Variants in RBM6 observed in about 807,000 individuals in gnomAD.
RBM6 encodes the protein RNA binding motif protein 6, also known as RNA-binding protein 6.
RBM6 carries 23 observed loss-of-function variants against 140.4 expected under a neutral mutation model. The ratio of observed to expected loss-of-function variants is 0.16; its 90% CI spans 0.12 to 0.23. RBM6 has a LOEUF of 0.23. Among genes scored for constraint, RBM6 ranks in the 10% least tolerant of loss-of-function variants. The pLI, the probability that RBM6 is intolerant of heterozygous loss-of-function variation, is 1.00. For missense variants in RBM6, 1,139 were observed against 1,386.7 expected (o/e 0.82, Z 2.84); for synonymous variants, 439 against 475.6 (o/e 0.92, Z 1.00).
chr3:49,997,967 G>A (rs1327656039), intron 5 of RBM6, among the ~76,000 whole-genome samples: 1 of 152,160 alleles, frequency 6.6e-6, no homozygotes, highest in East Asian at 1.9e-4. Context: ...TTTAATCCAC[G>A]TTGGTCAAAA....
intron 6 of RBM6, among the ~76,000 whole-genome samples, chr3:50,021,030 TACTG>T (rs2087449027): frequency 3.9e-5 from 6 of 152,240 alleles, no homozygotes. Context: ...ATATTACTGT[TACTG>T]ACTTCTAGTT....
intron 1 of RBM6, among the ~76,000 whole-genome samples, chr3:49,944,883 A>T (rs1031246452): frequency 2.8e-5 from 4 of 142,950 alleles, no homozygotes; most frequent in Non-Finnish European, 6.2e-5. Flanking sequence ...TTTTTTTTAA[A>T]TTTTTTTTTT....
chr3:49,957,148 TG>T (rs2084029953), intron 1 of RBM6, among the ~76,000 whole-genome samples: 2 of 152,064 alleles, frequency 1.3e-5, no homozygotes, highest in African/African-American at 4.8e-5. Flanking sequence ...CTGCCTTTTT[TG>T]TTTTTTAAAT....
At chr3:50,042,651 G>C (rs1411647518) in intron 6 of RBM6, among the ~76,000 whole-genome samples, 4 of 152,096 alleles carry the variant, frequency 2.6e-5, no homozygotes, top group Admixed American at 1.3e-4. Flanking sequence ...TAGGAGGATT[G>C]CTTGAGCCTG....
intron 1 of RBM6, among the ~76,000 whole-genome samples, chr3:49,953,113 TG>T (rs1207002389): frequency 6.6e-6 from 1 of 152,124 alleles, no homozygotes; most frequent in African/African-American, 2.4e-5. Context: ...TGGAGTGCAG[TG>T]GTGCAATCAT....
rs113403077 is a variant in RBM6, at chr3:49,988,586, A to G, written c.1484-10854A>G. Reference sequence around the variant, plus strand: ...AAGGAGCAGGAAAAAGTACAACAAAACAAAATCTTACCTTTGGTGTTTAAT... The same window carrying G: ...AAGGAGCAGGAAAAAGTACAACAAAGCAAAATCTTACCTTTGGTGTTTAAT... On this transcript the variant is annotated intron_variant, in intron 5 of 20. Transcript: ENST00000266022. Among the ~76,000 whole-genome samples, 8 of 152,304 alleles carry G rather than the reference A, an allele frequency of 5.3e-5. 2 individuals carry two copies. The highest frequency in any genetic ancestry group is 1.7e-4 in the African/African-American group (7 of 41,572).
chr3:49,943,790 C>A (rs558304133), intron 1 of RBM6, among the ~76,000 whole-genome samples: 1 of 152,060 alleles, frequency 6.6e-6, no homozygotes, highest in African/African-American at 2.4e-5. Context: ...TTTTGAGGAC[C>A]CACCATACTG....
intron 5 of RBM6, among the ~76,000 whole-genome samples, chr3:49,983,367 G>T (rs1411671442): frequency 2.0e-4 from 31 of 151,918 alleles, no homozygotes; most frequent in Admixed American, 2.0e-3. Flanking sequence ...TGATGTGTGC[G>T]TGTAGTCTTA....
intron 5 of RBM6, among the ~76,000 whole-genome samples, chr3:49,981,340 T>G (rs1183195000): frequency 3.3e-5 from 5 of 152,200 alleles, no homozygotes; most frequent in Non-Finnish European, 7.4e-5. Flanking sequence ...TGGGAACTTG[T>G]TGGAATCCAA....
In RBM6 at chr3:49,953,409, G is replaced by A. The variant is rs375273480; in HGVS notation, c.-66-9167G>A. ...TAATTTTTGTATTCTGAGTAGAGAC[G>A]GGATTTCACCACATTGGCCAGGCTG... On this transcript the variant is annotated intron_variant, in intron 1 of 20. Transcript: ENST00000266022. Among the ~76,000 whole-genome samples, 39 of 151,828 alleles carry A rather than the reference G, an allele frequency of 2.6e-4. No homozygotes were observed. In the South Asian group the frequency reaches 7.3e-3, roughly 28 times the overall value.
At chr3:49,944,140 T>C (rs1027291211) in intron 1 of RBM6, among the ~76,000 whole-genome samples, 1 of 152,176 alleles carries the variant, frequency 6.6e-6, no homozygotes, top group Non-Finnish European at 1.5e-5. Context: ...TCTGTACCCA[T>C]TGAATAGTAA....
At chr3:50,030,046 G>C (rs1320279205) in intron 6 of RBM6, among the ~76,000 whole-genome samples, 1 of 151,602 alleles carries the variant, frequency 6.6e-6, no homozygotes, top group Non-Finnish European at 1.5e-5. Flanking sequence ...CAGAAGGATT[G>C]CTTGAGCCCA....
At chr3:50,037,743 G>A (rs1195350796) in intron 6 of RBM6, among the ~76,000 whole-genome samples, 1 of 151,612 alleles carries the variant, frequency 6.6e-6, no homozygotes, top group Non-Finnish European at 1.5e-5. Flanking sequence ...GGTTCAAGCA[G>A]TTCTCCCACC....
chr3:50,035,499 G>A (rs1029750713), intron 6 of RBM6, among the ~76,000 whole-genome samples: 7 of 151,834 alleles, frequency 4.6e-5, no homozygotes, highest in Non-Finnish European at 1.0e-4. Flanking sequence ...TGGCTAATAC[G>A]GTGAAACCCC....
chr3:49,971,935 A>T (rs567462076), intron 3 of RBM6, 124 bp from the exon 4 acceptor site: 49 of 693,834 alleles, frequency 7.1e-5, no homozygotes, highest in Admixed American at 2.0e-4. Flanking sequence ...GAAAATTGTA[A>T]TTTTTTATAT....
intron 12 of RBM6, 40 bp downstream of exon 12, chr3:50,061,038 C>T (rs898091323): frequency 6.3e-7 from 1 of 1,599,210 alleles, no homozygotes; most frequent in Non-Finnish European, 8.5e-7. Flanking sequence ...TTAAAATCCT[C>T]AGGTGACTAT....
intron 5 of RBM6, among the ~76,000 whole-genome samples, chr3:49,995,031 C>T (rs962845898): frequency 7.2e-5 from 11 of 152,152 alleles, no homozygotes; most frequent in African/African-American, 1.9e-4. Context: ...GTCAGTATCT[C>T]GTGAGTCAGC....
At position 50,059,758 on chromosome 3, in the gene RBM6, G is replaced by A; in HGVS notation, c.2228+12G>A. 6.2e-7 allele frequency: 1 copy of A among 1,606,580 alleles called. No homozygotes were observed. The highest frequency in any genetic ancestry group is 8.5e-7 in the Non-Finnish European group (1 of 1,174,494). ...ACTGGAAAACGAAGGTAAGGCAGAA[G>A]GGTGAGGATCTCTTGTGCTGCCCCC... On this transcript the variant is annotated intron_variant, in intron 11 of 20. Transcript: ENST00000266022.
intron 6 of RBM6, among the ~76,000 whole-genome samples, chr3:50,004,013 G>A (rs1339257524): frequency 6.6e-6 from 1 of 152,190 alleles, no homozygotes; most frequent in Admixed American, 6.5e-5. Flanking sequence ...TGGGACTTGG[G>A]GAGGGGAGTA....
Sources: gnomAD v4.1 joint callset for allele counts (sites outside exome capture counted in the v4.1 genomes callset) on GRCh38, gnomAD v4.1.1 for gene constraint, MANE v1.5 for transcripts, NCBI Gene and HGNC (gene_info 2026-07-23, HGNC 2026-07-21) for gene names.